Variants in ARHGAP29 observed in about 807,000 individuals in gnomAD.
The protein encoded by ARHGAP29 is rho GTPase-activating protein 29.
In ARHGAP29, 43 loss-of-function variants were observed where a neutral mutation model predicts 122.6. The observed-to-expected ratio is 0.35, with a 90% CI of 0.27 to 0.45. The LOEUF (loss-of-function observed/expected upper bound fraction) is 0.45, where lower values mean the gene tolerates loss of function less well. Ranked by LOEUF, ARHGAP29 falls within the 20% of genes least tolerant of loss-of-function variation. The probability of loss-of-function intolerance (pLI) is 1.00; values close to 1 mark genes in which losing one functional copy is unlikely to be tolerated. For synonymous variants in ARHGAP29, 506 were observed against 497.1 expected (o/e 1.02, Z -0.24); for missense variants, 1,303 against 1,477.2 (o/e 0.88, Z 1.93).
intron 1 of ARHGAP29, among the ~76,000 whole-genome samples, chr1:94,233,422 C>T (rs1455350686): frequency 9.2e-6 from 1 of 108,412 alleles, no homozygotes; most frequent in East Asian, 2.7e-4. Context: ...AGTGAATTAC[C>T]ATCATTTCTT....
At chr1:94,177,763 T>C (rs1649188618) in intron 21 of ARHGAP29, 43 bp from the exon 22 acceptor site, 2 of 1,578,990 alleles carry the variant, frequency 1.3e-6, no homozygotes, top group East Asian at 2.2e-5. Flanking sequence ...AAGTAAAACA[T>C]AACCTCAAAA....
intron 19 of ARHGAP29, among the ~76,000 whole-genome samples, chr1:94,182,808 G>C (rs1214520054): frequency 9.0e-6 from 1 of 111,022 alleles, no homozygotes; most frequent in African/African-American, 3.4e-5. Flanking sequence ...CAAAACAGGA[G>C]AATAAAACAA....
chr1:94,260,538 G>A (rs1359789578), intron 1 of ARHGAP29, among the ~76,000 whole-genome samples: 1 of 152,144 alleles, frequency 6.6e-6, no homozygotes, highest in Admixed American at 6.6e-5. Context: ...AATCTGGCAA[G>A]GAAGCTTTAC....
chr1:94,225,660 A>C (rs1652572964), intron 2 of ARHGAP29, among the ~76,000 whole-genome samples: 1 of 152,064 alleles, frequency 6.6e-6, no homozygotes, highest in African/African-American at 2.4e-5. Context: ...TGTTTTATTA[A>C]AAATTTCTAT....
In ARHGAP29 at chr1:94,196,256, C is replaced by CTTTTTTTTTT. The variant is rs917635883; in HGVS notation, c.1281+5454_1281+5463dup. Among the ~76,000 whole-genome samples, 705 of 91,020 alleles carry CTTTTTTTTTT rather than the reference C, an allele frequency of 7.7e-3. 4 individuals carry two copies. Among genetic ancestry groups the CTTTTTTTTTT allele is most frequent in the Middle Eastern group, 0.01 (1 of 100 alleles). 59.7% of individuals were successfully genotyped at this position (91,020 alleles called of 152,430 possible). On this transcript the variant is annotated intron_variant, in intron 12 of 22. Coordinates refer to ENST00000260526, the MANE Select transcript of ARHGAP29 (RefSeq NM_004815.4). ...TTAGTTTCGATTTTTCCGTGTTTTT[C>CTTTTTTTTTT]TTTTTTTTTTTTTTTTTTTTTTTGA...
At chr1:94,208,635 T>C (rs937174357) in intron 5 of ARHGAP29, among the ~76,000 whole-genome samples, 197 bp downstream of exon 5, 1 of 151,892 alleles carries the variant, frequency 6.6e-6, no homozygotes, top group African/African-American at 2.4e-5. Context: ...AATTTTTGTA[T>C]TATTAGTAGA....
the ARHGAP29 span, among the ~76,000 whole-genome samples, chr1:94,295,741 T>TGCCACACAA: frequency 6.6e-5 from 10 of 150,644 alleles, no homozygotes; most frequent in African/African-American, 2.2e-4. Context: ...AATCTTCTAA[T>TGCCACACAA]TCCACACAAT....
At position 94,172,196 on chromosome 1, in the gene ARHGAP29, T is replaced by C. The variant is rs1441961245; in HGVS notation, c.*1673A>G. 1 of 152,140 alleles carries C rather than the reference T, an allele frequency of 6.6e-6. No homozygotes were observed. The highest frequency in any genetic ancestry group is 2.4e-5 in the African/African-American group (1 of 41,424). The allele number at this position is 152,140 out of a possible 1,614,324, so 9.4% of individuals were successfully genotyped here. ...ATTTAACTAAGCCTTAGTTTCCTTA[T>C]CTGTAACACAGAAATAATAACATGC... On this transcript the variant is annotated 3_prime_UTR_variant, in exon 23 of 23. Coordinates refer to ENST00000260526, the MANE Select transcript of ARHGAP29 (RefSeq NM_004815.4).
At chr1:94,289,981 G>T in the ARHGAP29 span, among the ~76,000 whole-genome samples, 3 of 152,112 alleles carry the variant, frequency 2.0e-5, no homozygotes, top group Non-Finnish European at 4.4e-5. Context: ...GCCAGGCTTT[G>T]GTATCAGGAT....
intron 3 of ARHGAP29, among the ~76,000 whole-genome samples, chr1:94,215,104 G>GAAAAAAAAAAAAAAAAAAA (rs199693229): frequency 1.9e-4 from 16 of 83,568 alleles, no homozygotes; most frequent in East Asian, 3.5e-4. Flanking sequence ...GCATGAAAAG[G>GAAAAAAAAAAAAAAAAAAA]AAAAAAAAAA....
chr1:94,255,097 C>T (rs1177865476), intron 1 of ARHGAP29, among the ~76,000 whole-genome samples: 1 of 152,172 alleles, frequency 6.6e-6, no homozygotes, highest in Non-Finnish European at 1.5e-5. Context: ...TGTTAAAGTC[C>T]TAACACCCAG....
chr1:94,232,032 T>C (rs900268017), intron 1 of ARHGAP29, among the ~76,000 whole-genome samples: 1 of 152,148 alleles, frequency 6.6e-6, no homozygotes, highest in Non-Finnish European at 1.5e-5. Flanking sequence ...TCCTAGGGTA[T>C]AGAATTTTAT....
At position 94,171,451 on chromosome 1, in the gene ARHGAP29, C is replaced by T. The variant is rs1648733477; in HGVS notation, c.*2418G>A. Among the ~76,000 whole-genome samples the T allele has an allele frequency of 2.0e-5, 3 of 152,198 alleles. No homozygotes were observed. Among genetic ancestry groups the T allele is most frequent in the Admixed American group, 1.3e-4 (2 of 15,286 alleles). ...ACGCATCATCTTGGACAATACGCCT[C>T]CCACAAGGCTTCCTGGTGTTCTGGC... On this transcript the variant is annotated 3_prime_UTR_variant, in exon 23 of 23. Transcript: ENST00000260526.
chr1:94,241,620 A>G (rs888367711), upstream of ARHGAP29, among the ~76,000 whole-genome samples: 8 of 145,238 alleles, frequency 5.5e-5, no homozygotes, highest in African/African-American at 2.0e-4. Flanking sequence ...TCCGTCTCAA[A>G]AAATAGTAAT....
chr1:94,222,338 A>G (rs1412162529), intron 2 of ARHGAP29, among the ~76,000 whole-genome samples: 2 of 152,242 alleles, frequency 1.3e-5, no homozygotes, highest in Non-Finnish European at 2.9e-5. Flanking sequence ...GACAAAAAGA[A>G]TAACTTGACA....
In ARHGAP29 at chr1:94,229,258, G is replaced by T. The variant is rs546698920; in HGVS notation, c.205+2149C>A. ...ACATGTAATAATACCATCTTAAATA[G>T]TTAGAGCATTTTAAACATTTTACCT... is the stretch of plus-strand genomic sequence containing the variant. On this transcript the variant is annotated intron_variant, in intron 2 of 22. Coordinates refer to ENST00000260526, the MANE Select transcript of ARHGAP29 (RefSeq NM_004815.4). Among the ~76,000 whole-genome samples the T allele has an allele frequency of 8.6e-5, 13 of 151,876 alleles. 1 individual carries two copies. Among genetic ancestry groups the T allele is most frequent in the African/African-American group, 3.1e-4 (13 of 41,516 alleles).
chr1:94,257,758 C>T (rs982435188), intron 1 of ARHGAP29, among the ~76,000 whole-genome samples: 3 of 152,126 alleles, frequency 2.0e-5, no homozygotes, highest in African/African-American at 7.2e-5. Flanking sequence ...ATCTATGACA[C>T]ATGTGACATT....
intron 2 of ARHGAP29, among the ~76,000 whole-genome samples, chr1:94,225,860 CA>C (rs1179726973): frequency 6.6e-6 from 1 of 151,846 alleles, no homozygotes; most frequent in Admixed American, 6.6e-5. Context: ...TCCTGTATCC[CA>C]ATGTTTGCTT....
intron 12 of ARHGAP29, among the ~76,000 whole-genome samples, chr1:94,198,994 G>A (rs373014967): frequency 1.2e-3 from 186 of 152,236 alleles, no homozygotes; most frequent in Non-Finnish European, 1.8e-3. Flanking sequence ...AAAGGACAGC[G>A]AGAACCAAAC....
Sources: allele counts gnomAD v4.1 joint callset (sites outside exome capture counted in the v4.1 genomes callset), GRCh38; gene constraint gnomAD v4.1.1; transcripts MANE v1.5; gene names NCBI Gene and HGNC (gene_info 2026-07-23, HGNC 2026-07-21).